Variants in TBXAS1 observed in about 807,000 individuals in gnomAD.
TBXAS1 encodes the protein thromboxane A synthase 1, also known as thromboxane-A synthase.
Under a neutral mutation model 60.7 loss-of-function variants are expected in TBXAS1, and 48 were observed. The ratio of observed to expected loss-of-function variants is 0.79; its 90% CI spans 0.63 to 1.01. The LOEUF is 1.01. Among genes scored for constraint, TBXAS1 ranks in the 50% least tolerant of loss-of-function variants. The pLI is 0.00. For missense variants in TBXAS1, 685 were observed against 686.3 expected (o/e 1.00, Z 0.02); for synonymous variants, 287 against 269.7 (o/e 1.06, Z -0.63).
intron 4 of TBXAS1, among the ~76,000 whole-genome samples, chr7:139,819,510 G>GT (rs1233860687): frequency 1.3e-5 from 2 of 152,042 alleles, no homozygotes; most frequent in African/African-American, 4.8e-5. Flanking sequence ...TTGTTTGTTT[G>GT]TTTTTTGTTT....
intron 3 of TBXAS1, among the ~76,000 whole-genome samples, chr7:139,784,016 T>TGG (rs1200388223): frequency 2.0e-5 from 3 of 151,198 alleles, no homozygotes; most frequent in Admixed American, 6.6e-5. Context: ...TTTTTGTTTT[T>TGG]TTTTTTTTTG....
intron 8 of TBXAS1, among the ~76,000 whole-genome samples, chr7:139,958,060 C>T (rs1224570776): frequency 6.6e-6 from 1 of 152,176 alleles, no homozygotes; most frequent in African/African-American, 2.4e-5. Flanking sequence ...CAAGCATCAA[C>T]CCAAGCACAG....
intron 1 of TBXAS1, among the ~76,000 whole-genome samples, chr7:139,832,571 C>T (rs1009523312): frequency 6.6e-6 from 1 of 152,168 alleles, no homozygotes; most frequent in African/African-American, 2.4e-5. Context: ...CCCAGTCTAG[C>T]TAGAGACCTA....
At chr7:139,782,580 T>G (rs1373103513) in intron 2 of TBXAS1, 1 of 152,226 alleles carries the variant, frequency 6.6e-6, no homozygotes, top group Non-Finnish European at 1.5e-5. Context: ...TATGTCTCTC[T>G]TACTCTCAGG....
chr7:140,011,402 T>C (rs903703609), intron 10 of TBXAS1, among the ~76,000 whole-genome samples: 3 of 148,908 alleles, frequency 2.0e-5, no homozygotes, highest in South Asian at 2.1e-4. Flanking sequence ...AAGAGAAAGA[T>C]AGAAATTTAA....
At chr7:139,983,117 A>T (rs1277337272) in intron 9 of TBXAS1, among the ~76,000 whole-genome samples, 1 of 152,238 alleles carries the variant, frequency 6.6e-6, no homozygotes, top group Non-Finnish European at 1.5e-5. Flanking sequence ...CAAACTGATT[A>T]CATCATTGCT....
intron 9 of TBXAS1, among the ~76,000 whole-genome samples, chr7:139,964,627 T>C (rs1810636678): frequency 6.6e-6 from 1 of 152,140 alleles, no homozygotes; most frequent in Non-Finnish European, 1.5e-5. Flanking sequence ...ATCTAATGAG[T>C]GTCCAGCAGT....
chr7:139,859,199 G>GTTTT (rs1221686304), intron 1 of TBXAS1, among the ~76,000 whole-genome samples: 4 of 114,654 alleles, frequency 3.5e-5, no homozygotes, highest in Admixed American at 8.8e-5. Context: ...TTTATCGTTA[G>GTTTT]TTTTTTTTTT....
chr7:139,831,210 G>A (rs1315400650), intron 1 of TBXAS1, among the ~76,000 whole-genome samples: 1 of 152,172 alleles, frequency 6.6e-6, no homozygotes, highest in Non-Finnish European at 1.5e-5. Flanking sequence ...GGTTCTGGGG[G>A]TGAGCTGGAT....
At position 140,002,733 on chromosome 7, in the gene TBXAS1, G is replaced by A. The variant is rs555120230; in HGVS notation, c.1135-4358G>A. 8.3e-4 allele frequency among the ~76,000 whole-genome samples: 127 copies of A among 152,306 alleles called. 1 individual carries two copies. The highest frequency in any genetic ancestry group is 2.6e-3 in the African/African-American group (109 of 41,562). The stretch of plus-strand genomic sequence containing the variant: ...CCCTGAGTGCACATTAGGACAGCCA[G>A]GGGGCTAAAAAGGGAGAGCTGGTGC... On this transcript the variant is annotated intron_variant, in intron 9 of 12. Transcript: ENST00000448866.
chr7:139,851,862 C>T (rs1800238384), intron 1 of TBXAS1, among the ~76,000 whole-genome samples: 1 of 152,180 alleles, frequency 6.6e-6, no homozygotes, highest in Non-Finnish European at 1.5e-5. Flanking sequence ...GCATAGCTCC[C>T]TCCCCCATTG....
At chr7:139,981,358 C>A (rs1234967286) in intron 9 of TBXAS1, among the ~76,000 whole-genome samples, 1 of 152,152 alleles carries the variant, frequency 6.6e-6, no homozygotes, top group African/African-American at 2.4e-5. Context: ...TCAGGTGATC[C>A]GCCTGCGTCG....
At chr7:139,784,222 CTT>C (rs538853929) in intron 3 of TBXAS1, among the ~76,000 whole-genome samples, 13 of 128,860 alleles carry the variant, frequency 1.0e-4, no homozygotes, top group African/African-American at 3.7e-4. Flanking sequence ...TTCTTTCATT[CTT>C]TCTCTCTCTC....
chr7:139,950,264 G>C (rs1809093561), intron 5 of TBXAS1, among the ~76,000 whole-genome samples: 1 of 151,962 alleles, frequency 6.6e-6, no homozygotes, highest in African/African-American at 2.4e-5. Flanking sequence ...TTGAACTCCT[G>C]ACTTCAAGTG....
chr7:139,997,509 T>G (rs1169681425), intron 9 of TBXAS1, among the ~76,000 whole-genome samples: 1 of 152,132 alleles, frequency 6.6e-6, no homozygotes, highest in African/African-American at 2.4e-5. Context: ...ATTGGGGCAA[T>G]TTTTAAAAAT....
intron 4 of TBXAS1, among the ~76,000 whole-genome samples, chr7:139,915,440 G>A (rs757543198): frequency 6.6e-6 from 1 of 152,146 alleles, no homozygotes; most frequent in African/African-American, 2.4e-5. Context: ...GCTACCAAAC[G>A]GTCCCTTGTG....
upstream of TBXAS1, chr7:139,829,101 C>A (rs1798537101): frequency 4.0e-6 from 2 of 494,554 alleles, no homozygotes; most frequent in African/African-American, 3.9e-5. Flanking sequence ...GGGAAGTTTG[C>A]TTTTCTTCTC....
chr7:139,983,984 C>T (rs751889496), intron 9 of TBXAS1, among the ~76,000 whole-genome samples: 12 of 152,216 alleles, frequency 7.9e-5, no homozygotes, highest in Non-Finnish European at 1.6e-4. Context: ...CAGTGAGATG[C>T]ACAAACAGCA....
intron 3 of TBXAS1, among the ~76,000 whole-genome samples, chr7:139,906,836 A>G (rs777122661): frequency 3.3e-5 from 5 of 152,152 alleles, no homozygotes; most frequent in Non-Finnish European, 7.4e-5. Flanking sequence ...TGGTTTACAC[A>G]TGTTCATTGT....
Sources: gnomAD v4.1 joint callset for allele counts (sites outside exome capture counted in the v4.1 genomes callset) on GRCh38, gnomAD v4.1.1 for gene constraint, MANE v1.5 for transcripts, NCBI Gene and HGNC (gene_info 2026-07-23, HGNC 2026-07-21) for gene names.